The following FHL1 variants were observed in gnomAD, a reference collection of about 807,000 sequenced individuals.
FHL1 encodes the protein four and a half LIM domains 1, also known as four and a half LIM domains protein 1.
In FHL1, 1 loss-of-function variant was observed where a neutral mutation model predicts 20.3. That is an observed-to-expected ratio of 0.05 (90% CI 0.02 to 0.23). The LOEUF (loss-of-function observed/expected upper bound fraction) is 0.23. Ranked by LOEUF, FHL1 falls within the 10% of genes least tolerant of loss-of-function variation. The pLI, the probability that FHL1 is intolerant of heterozygous loss-of-function variation, is 1.00. For synonymous variants in FHL1, 82 were observed against 88.9 expected (o/e 0.92, Z 0.44); for missense variants, 177 against 234.0 (o/e 0.76, Z 1.59).
rs10611748 is a variant in FHL1 at position 136,186,879 on chromosome X, TATAGATAGATAGATAG to T, written c.-27+16926_-27+16941del. ...AAAAAAAAAAAAATATATATATATA[TATAGATAGATAGATAG>T]ATAGATAGATAGATAGATAGATAGA... On this transcript the variant is annotated intron_variant, in intron 2 of 6. Coordinates refer to the FHL1 transcript ENST00000394153. 7.6e-3 allele frequency among the ~76,000 whole-genome samples: 514 copies of T among 67,369 alleles called. 9 individuals carry two copies. Among genetic ancestry groups the T allele is most frequent in the Middle Eastern group, 0.021 (3 of 143 alleles). 58.5% of individuals were successfully genotyped at this position (67,369 alleles called of 115,157 possible).
chrX:136,208,787 A>G (rs2073922083), intron 5 of FHL1, 146 bp downstream of exon 5: 2 of 599,362 alleles, frequency 3.3e-6, no homozygotes, highest in South Asian at 2.4e-5. Flanking sequence ...AGGCCCCCCA[A>G]GAGTTTGGAT....
upstream of FHL1, among the ~76,000 whole-genome samples, chrX:136,193,128 C>T (rs2073472179): frequency 9.2e-6 from 1 of 108,760 alleles, no homozygotes; most frequent in Non-Finnish European, 1.9e-5. Context: ...GAGAAATCCA[C>T]AAAGACTCCA....
intron 1 of FHL1, among the ~76,000 whole-genome samples, chrX:136,201,823 C>G (rs1250487261): frequency 9.1e-6 from 1 of 109,849 alleles, no homozygotes; most frequent in East Asian, 2.9e-4. Context: ...ATGCCCTCCA[C>G]AAAGACAAGT....
chrX:136,196,699 A>G (rs2073563384), upstream of FHL1: 1 of 606,049 alleles, frequency 1.7e-6, no homozygotes, highest in African/African-American at 2.3e-5. Flanking sequence ...TGTATTATTT[A>G]CAGGGCCAAA....
Position 136,191,205 on chromosome X carries a change from C to T in FHL1, c.-26-15202C>T, listed in dbSNP as rs764294355. ...CCACAGAAAGTTATTCCTATTTGCT[C>T]TCTCAGATACGAATCACTGTGGGCC... is the stretch of plus-strand genomic sequence containing the variant. On this transcript the variant is annotated intron_variant, in intron 2 of 6. Transcript: ENST00000394153. 1.3e-3 allele frequency among the ~76,000 whole-genome samples: 142 copies of T among 111,822 alleles called. 1 individual carries two copies. Among genetic ancestry groups the T allele is most frequent in the Non-Finnish European group, 2.4e-4 (13 of 53,115 alleles).
intron 1 of FHL1, among the ~76,000 whole-genome samples, chrX:136,162,799 G>A (rs1426857892): frequency 8.9e-6 from 1 of 111,871 alleles, no homozygotes; most frequent in African/African-American, 3.2e-5. Flanking sequence ...ATTCATCTGG[G>A]GGAACTTTGT....
chrX:136,164,294 C>T (rs1253873991), intron 1 of FHL1, among the ~76,000 whole-genome samples: 1 of 108,282 alleles, frequency 9.2e-6, no homozygotes, highest in Non-Finnish European at 1.9e-5. Flanking sequence ...GCAACCTCTG[C>T]CTCCTGGATT....
chrX:136,206,888 G>A, intron 2 of FHL1, 128 bp from the exon 3 acceptor site: 1 of 724,387 alleles, frequency 1.4e-6, no homozygotes, highest in Non-Finnish European at 2.2e-6. Context: ...TCACTGTGGG[G>A]CAGTCCCAGG....
Position 136,180,196 on chromosome X carries a change from A to G in FHL1, c.-27+10216A>G, listed in dbSNP as rs1180225466. 4.5e-5 allele frequency among the ~76,000 whole-genome samples: 5 copies of G among 112,244 alleles called. No individual in the cohort carries two copies. The East Asian group carries it at 1.4e-3, about 31-fold the overall frequency. On this transcript the variant is annotated intron_variant, in intron 2 of 6. Coordinates refer to the FHL1 transcript ENST00000394153. ...TAACTACCAGCAAGTATACGGACACATACATATCGCTGTCCCTTCCCCGCT... is the reference window on the plus strand; with the variant it reads ...TAACTACCAGCAAGTATACGGACACGTACATATCGCTGTCCCTTCCCCGCT...
chrX:136,200,643 G>A (rs1156925113), intron 1 of FHL1, among the ~76,000 whole-genome samples: 3 of 112,056 alleles, frequency 2.7e-5, no homozygotes, highest in African/African-American at 9.7e-5. Flanking sequence ...CAAAGCCCTG[G>A]ATTAGGTACT....
intron 2 of FHL1, among the ~76,000 whole-genome samples, chrX:136,191,533 C>G (rs1393015640): frequency 8.9e-6 from 1 of 112,074 alleles, no homozygotes; most frequent in Non-Finnish European, 1.9e-5. Flanking sequence ...ATCTACTGAC[C>G]AAACCCCAGA....
exon 1 of FHL1, chrX:136,169,709 A>G (rs180756907): frequency 6.2e-6 from 2 of 320,110 alleles, no homozygotes; most frequent in Non-Finnish European, 1.2e-5. Context: ...TGCTCATGTT[A>G]TATGATAAAC....
At chrX:136,161,858 CATGCCTGT>C (rs2072576095) in intron 1 of FHL1, among the ~76,000 whole-genome samples, 1 of 111,932 alleles carries the variant, frequency 8.9e-6, no homozygotes, top group African/African-American at 3.2e-5. Flanking sequence ...CGTGGTGGCT[CATGCCTGT>C]AATCCCAGCA....
At chrX:136,149,356 C>T (rs184669609) in intron 1 of FHL1, among the ~76,000 whole-genome samples, 55 of 112,489 alleles carry the variant, frequency 4.9e-4, no homozygotes, top group African/African-American at 1.6e-3. Flanking sequence ...ATTAAGCAGG[C>T]ATTTGCCTTT....
intron 2 of FHL1, among the ~76,000 whole-genome samples, chrX:136,171,957 C>G (rs1229686626): frequency 9.1e-6 from 1 of 109,926 alleles, no homozygotes; most frequent in African/African-American, 3.3e-5. Context: ...GTGGTGCGAT[C>G]TGGCTCAGTG....
upstream of FHL1, among the ~76,000 whole-genome samples, chrX:136,193,329 G>C (rs746882954): frequency 1.8e-5 from 2 of 112,089 alleles, no homozygotes; most frequent in East Asian, 2.8e-4. Flanking sequence ...AATTTGCCGT[G>C]TTTGATTCTT....
intron 1 of FHL1, among the ~76,000 whole-genome samples, chrX:136,149,409 A>G (rs2072204509): frequency 8.9e-6 from 1 of 112,476 alleles, no homozygotes; most frequent in Non-Finnish European, 1.9e-5. Context: ...TGGTTACATA[A>G]GGTTCCGATC....
rs780692090 is a variant in FHL1 at position 136,207,523 on chromosome X, T to C, written c.380-269T>C. ...CTGGGCCAGGCAGTCCCTGATTTAA[T>C]GTCTAAGTGCACGCAGGGTATAGAG... On this transcript the variant is annotated intron_variant, in intron 3 of 5. Coordinates refer to ENST00000370683, the MANE Select transcript of FHL1 (RefSeq NM_001159699.2). 355 of 424,897 alleles carry C rather than the reference T, an allele frequency of 8.4e-4. 1 individual carries two copies. Among genetic ancestry groups the C allele is most frequent in the Middle Eastern group, 6.5e-3 (18 of 2,771 alleles). The allele number at this position is 424,897 out of a possible 1,213,427, so 35.0% of individuals were successfully genotyped here. A position where few individuals can be genotyped will look rare whatever the true frequency, so the allele number is the denominator to read the frequency against.
chrX:136,210,479 A>G lies in FHL1; in HGVS notation c.*454A>G. 2.5e-6 allele frequency: 1 copy of G among 392,234 alleles called. No homozygotes were observed. The highest frequency in any genetic ancestry group is 4.8e-6 in the Non-Finnish European group (1 of 208,711). 32.3% of individuals were successfully genotyped at this position (392,234 alleles called of 1,213,427 possible). ...CTGCTCACCCTCTTCTGTGAGCAGG[A>G]AAAGAACCCTACTGACATGCATGGT... On this transcript the variant is annotated 3_prime_UTR_variant, in exon 6 of 6. Coordinates refer to ENST00000370683, the MANE Select transcript of FHL1 (RefSeq NM_001159699.2).
Sources: allele counts gnomAD v4.1 joint callset (sites outside exome capture counted in the v4.1 genomes callset), GRCh38; gene constraint gnomAD v4.1.1; transcripts MANE v1.5; gene names NCBI Gene and HGNC (gene_info 2026-07-23, HGNC 2026-07-21).